ABI2: variants seen among roughly 807,000 people sequenced by gnomAD.
ABI2 encodes the protein abl interactor 2.
Under a neutral mutation model 59.2 loss-of-function variants are expected in ABI2, and 25 were observed. The observed-to-expected ratio is 0.42, with a 90% CI of 0.31 to 0.59. ABI2 has a LOEUF of 0.59. ABI2 is among the 20% of genes least tolerant of loss of function. The pLI, the probability that ABI2 is intolerant of heterozygous loss-of-function variation, is 0.14. For synonymous variants in ABI2, 213 were observed against 235.5 expected (o/e 0.90, Z 0.87); for missense variants, 545 against 681.8 (o/e 0.80, Z 2.23).
At chr2:203,350,350 A>G (rs1472533354) in intron 1 of ABI2, among the ~76,000 whole-genome samples, 2 of 151,480 alleles carry the variant, frequency 1.3e-5, no homozygotes, top group African/African-American at 4.9e-5. Flanking sequence ...CGCCTGGCCA[A>G]CGGTCTCTGT....
intron 6 of ABI2, 130 bp downstream of exon 6, chr2:203,394,976 G>T: frequency 1.0e-6 from 1 of 1,003,738 alleles, no homozygotes; most frequent in South Asian, 1.4e-5. Flanking sequence ...AACCTCATCT[G>T]ATTTCACCTC....
Position 203,360,013 on chromosome 2 carries a change from C to G in ABI2, c.118-6864C>G, listed in dbSNP as rs185452459. On this transcript the variant is annotated intron_variant, in intron 1 of 11. Coordinates refer to ENST00000261018, the MANE Select transcript of ABI2 (RefSeq NM_001375670.1). ...CATCCTGGCCAACATGGTAAAACCCCGTGCCTGCTAAAAGTACAGAAATTA... is the reference window on the plus strand; with the variant it reads ...CATCCTGGCCAACATGGTAAAACCCGGTGCCTGCTAAAAGTACAGAAATTA... 5.3e-3 allele frequency among the ~76,000 whole-genome samples: 809 copies of G among 151,860 alleles called. 9 individuals carry two copies. Among genetic ancestry groups the G allele is most frequent in the African/African-American group, 0.018 (734 of 41,422 alleles).
At chr2:203,416,359 G>C (rs924092895) in intron 10 of ABI2, among the ~76,000 whole-genome samples, 1 of 151,900 alleles carries the variant, frequency 6.6e-6, no homozygotes, top group African/African-American at 2.4e-5. Context: ...GGAGTGGCGT[G>C]ATCTCGACTC....
At position 203,411,320 on chromosome 2, in the gene ABI2, G is replaced by A. The variant is rs375003244; in HGVS notation, c.1228G>A (p.Val410Ile). 3 of 1,613,300 alleles carry A rather than the reference G, an allele frequency of 1.9e-6. No homozygotes were observed. The highest frequency in any genetic ancestry group is 2.7e-5 in the African/African-American group (2 of 74,744). The change falls in exon 10 of 12, where the codon GTA becomes ATA. Residue 410 changes from valine to isoleucine, a missense_variant. Transcript: ENST00000261018. The part of the protein sequence containing the change: ...LAPPPPSILQ[V>I]TPQLPLMGFV... ...TCCTCCTCCTCCCTCCATCCTACAG[G>A]TAACTCCTCAGTTACCTTTAATGGG...
chr2:203,421,173 A>G (rs999099859), intron 11 of ABI2, among the ~76,000 whole-genome samples: 1 of 152,168 alleles, frequency 6.6e-6, no homozygotes, highest in Admixed American at 6.5e-5. Flanking sequence ...ATAATAGTGT[A>G]GAGTGCATTG....
chr2:203,338,219 A>C (rs1442431523), intron 1 of ABI2, among the ~76,000 whole-genome samples: 2 of 152,250 alleles, frequency 1.3e-5, no homozygotes, highest in Non-Finnish European at 2.9e-5. Flanking sequence ...CACATGCAAA[A>C]GAATGAAATT....
At chr2:203,410,766 C>T (rs1448797337) in intron 9 of ABI2, among the ~76,000 whole-genome samples, 4 of 152,068 alleles carry the variant, frequency 2.6e-5, no homozygotes, top group Non-Finnish European at 5.9e-5. Flanking sequence ...AGTTTACTTG[C>T]CTACAATTAG....
chr2:203,397,427 A>C (rs2097049513), intron 8 of ABI2, among the ~76,000 whole-genome samples: 2 of 152,222 alleles, frequency 1.3e-5, no homozygotes, highest in South Asian at 4.1e-4. Context: ...CAGCATTGGA[A>C]ACTCATAGAC....
chr2:203,431,596 G>A lies in ABI2; in HGVS notation c.*4244G>A, dbSNP rs2098483932. 2 of 151,942 alleles carry A rather than the reference G, an allele frequency of 1.3e-5. No homozygotes were observed. Among genetic ancestry groups the A allele is most frequent in the South Asian group, 2.1e-4 (1 of 4,816 alleles). 9.4% of individuals were successfully genotyped at this position (151,942 alleles called of 1,614,324 possible). A position where few individuals can be genotyped will look rare whatever the true frequency, so the allele number is the denominator to read the frequency against. ...CACAGCACAGCAGCCTTATTGGAGA[G>A]AGCCTTATAAAAGTGATTAAATGGA... On this transcript the variant is annotated 3_prime_UTR_variant, in exon 12 of 12. Coordinates refer to ENST00000261018, the MANE Select transcript of ABI2 (RefSeq NM_001375670.1).
chr2:203,409,059 C>T (rs1231024417), intron 9 of ABI2, among the ~76,000 whole-genome samples: 7 of 150,672 alleles, frequency 4.6e-5, no homozygotes, highest in South Asian at 2.1e-4. Context: ...AGGATGGTCT[C>T]GATCTCCTGA....
chr2:203,352,545 C>T (rs1257724277), intron 1 of ABI2, among the ~76,000 whole-genome samples: 2 of 146,216 alleles, frequency 1.4e-5, no homozygotes, highest in South Asian at 2.2e-4. Flanking sequence ...GTCTGTGTCT[C>T]GGTTTTTAAC....
At chr2:203,334,347 A>T (rs1292139849) in intron 1 of ABI2, among the ~76,000 whole-genome samples, 1 of 152,182 alleles carries the variant, frequency 6.6e-6, no homozygotes, top group African/African-American at 2.4e-5. Context: ...ATATAAACCA[A>T]ATTGGTTTAC....
chr2:203,387,221 T>C (rs1401845598), intron 4 of ABI2, among the ~76,000 whole-genome samples: 1 of 152,078 alleles, frequency 6.6e-6, no homozygotes, highest in African/African-American at 2.4e-5. Context: ...ATAGCAGAGG[T>C]GATGTCTTCT....
In ABI2 at chr2:203,381,163, T is replaced by G. The variant is rs138362686; in HGVS notation, c.462+779T>G. 5.0e-3 allele frequency among the ~76,000 whole-genome samples: 761 copies of G among 152,350 alleles called. 3 individuals are homozygous for G. Among genetic ancestry groups the G allele is most frequent in the South Asian group, 0.022 (107 of 4,826 alleles). On this transcript the variant is annotated intron_variant, in intron 3 of 11. Coordinates refer to ENST00000261018, the MANE Select transcript of ABI2 (RefSeq NM_001375670.1). ...AACACTGTTATGGATGGAAATCAGT[T>G]AAATCTAAATTTAATGGAGATCTAG...
At chr2:203,332,016 G>C (rs1261972537) in intron 1 of ABI2, among the ~76,000 whole-genome samples, 4 of 150,990 alleles carry the variant, frequency 2.6e-5, no homozygotes, top group Non-Finnish European at 4.4e-5. Context: ...TGCCATGTTG[G>C]CCAGGCTAGT....
intron 1 of ABI2, among the ~76,000 whole-genome samples, chr2:203,358,220 C>G (rs979055084): frequency 6.6e-6 from 1 of 151,834 alleles, no homozygotes; most frequent in Non-Finnish European, 1.5e-5. Flanking sequence ...GCTTTGAACT[C>G]CTGGGCTCAA....
intron 8 of ABI2, among the ~76,000 whole-genome samples, chr2:203,401,154 A>T (rs535507017): frequency 6.6e-6 from 1 of 151,932 alleles, no homozygotes; most frequent in East Asian, 1.9e-4. Flanking sequence ...GTTTCAGTGG[A>T]TTCTTTTGCC....
Position 203,411,275 on chromosome 2 carries a change from GT to G in ABI2, c.1193-5del, listed in dbSNP as rs746694913. ...ATCCCTTATCCTCCACACCTTTTTT[GT>G]TTTTGCAGTATCTCTTGCTCCTCCT... On this transcript the variant is annotated splice_polypyrimidine_tract_variant and intron_variant, in intron 9 of 11. Coordinates refer to ENST00000261018, the MANE Select transcript of ABI2 (RefSeq NM_001375670.1). The G allele has an allele frequency of 1.2e-6, 2 of 1,609,420 alleles. No homozygotes were observed. Among genetic ancestry groups the G allele is most frequent in the South Asian group, 2.2e-5 (2 of 90,978 alleles).
intron 1 of ABI2, among the ~76,000 whole-genome samples, chr2:203,362,390 G>A (rs1010729508): frequency 6.6e-6 from 1 of 152,042 alleles, no homozygotes; most frequent in Non-Finnish European, 1.5e-5. Context: ...CATGTTGTTT[G>A]GACGTTCTGG....
Sources: allele counts gnomAD v4.1 joint callset (sites outside exome capture counted in the v4.1 genomes callset), GRCh38; gene constraint gnomAD v4.1.1; transcripts MANE v1.5; gene names NCBI Gene and HGNC (gene_info 2026-07-23, HGNC 2026-07-21).